RORA: variants seen among roughly 807,000 people sequenced by gnomAD.
RORA encodes RAR related orphan receptor A.
RORA carries 7 observed loss-of-function variants against 69.5 expected under a neutral mutation model. The ratio of observed to expected loss-of-function variants is 0.10; its 90% confidence interval spans 0.06 to 0.19. The LOEUF (loss-of-function observed/expected upper bound fraction) is 0.19, where lower values mean the gene tolerates loss of function less well. Among genes scored for constraint, RORA ranks in the 10% least tolerant of loss-of-function variants. The pLI is 1.00. For synonymous variants in RORA, 261 were observed against 240.8 expected (o/e 1.08, Z -0.78); for missense variants, 457 against 663.0 (o/e 0.69, Z 3.41).
chr15:61,116,661 A>C (rs708683), intron 1 of RORA, among the ~76,000 whole-genome samples: 1 of 151,968 alleles, frequency 6.6e-6, no homozygotes, highest in South Asian at 2.1e-4. Flanking sequence ...AAGACTGAAA[A>C]CATTGACGAG....
At chr15:60,769,580 G>A (rs74017328) in intron 1 of RORA, among the ~76,000 whole-genome samples, 1 of 152,290 alleles carries the variant, frequency 6.6e-6, no homozygotes, top group African/African-American at 2.4e-5. Context: ...GCAGAAGCCT[G>A]CTTAGGTCTC....
At chr15:61,205,690 A>C (rs986472803) in intron 1 of RORA, among the ~76,000 whole-genome samples, 1 of 152,180 alleles carries the variant, frequency 6.6e-6, no homozygotes, top group Non-Finnish European at 1.5e-5. Context: ...AAAGTAGAAA[A>C]ACAATCTCTA....
chr15:60,701,535 C>G (rs559621341), intron 1 of RORA, among the ~76,000 whole-genome samples: 1 of 152,300 alleles, frequency 6.6e-6, no homozygotes, highest in South Asian at 2.1e-4. Context: ...CCTCTGCTCT[C>G]CCCTGTAACT....
At chr15:60,778,144 C>T (rs367801932) in intron 1 of RORA, among the ~76,000 whole-genome samples, 1 of 152,190 alleles carries the variant, frequency 6.6e-6, no homozygotes, top group African/African-American at 2.4e-5. Flanking sequence ...AAACAATTAT[C>T]CAATGCTCAG....
At chr15:60,498,087 T>C (rs900349692) in intron 10 of RORA, among the ~76,000 whole-genome samples, 1 of 151,970 alleles carries the variant, frequency 6.6e-6, no homozygotes, top group African/African-American at 2.4e-5. Flanking sequence ...TAAATGATGA[T>C]ATAGTCATGT....
At chr15:61,115,073 G>T (rs1156260642) in intron 1 of RORA, among the ~76,000 whole-genome samples, 1 of 152,182 alleles carries the variant, frequency 6.6e-6, no homozygotes, top group Non-Finnish European at 1.5e-5. Context: ...GGTGGCAGGA[G>T]TCTGTGGCTT....
intron 1 of RORA, among the ~76,000 whole-genome samples, chr15:60,886,879 C>T (rs940848567): frequency 4.6e-5 from 7 of 152,156 alleles, no homozygotes; most frequent in Admixed American, 1.3e-4. Context: ...ACTTGGAAGA[C>T]GACTGAGAAC....
Position 60,978,961 on chromosome 15 carries a change from C to CTTTTTTTT in RORA, c.166+250084_166+250091dup, listed in dbSNP as rs543353825. ...GAAGTGTGAGTCCTCCAACTTTGCTCTTTTTTTTTTTTTTTTTTGAGACGG... is the reference window on the plus strand; with the variant it reads ...GAAGTGTGAGTCCTCCAACTTTGCTCTTTTTTTTTTTTTTTTTTTTTTTTTTGAGACGG... On this transcript the variant is annotated intron_variant, in intron 1 of 10. Transcript: ENST00000335670. Among the ~76,000 whole-genome samples, 48 of 95,142 alleles carry CTTTTTTTT rather than the reference C, an allele frequency of 5.0e-4. 10 individuals carry two copies. Among genetic ancestry groups the CTTTTTTTT allele is most frequent in the African/African-American group, 4.9e-4 (12 of 24,434 alleles). 62.4% of individuals were successfully genotyped at this position (95,142 alleles called of 152,430 possible). A position where few individuals can be genotyped will look rare whatever the true frequency, so the allele number is the denominator to read the frequency against.
At chr15:60,755,620 A>G (rs1380032490) in intron 1 of RORA, among the ~76,000 whole-genome samples, 2 of 152,068 alleles carry the variant, frequency 1.3e-5, no homozygotes, top group Non-Finnish European at 1.5e-5. Context: ...AAGTGTTCCT[A>G]TTTCTCCACA....
In RORA at chr15:60,511,303, G is replaced by A; in HGVS notation, c.743C>T (p.Thr248Ile). 6.2e-7 allele frequency: 1 copy of A among 1,614,200 alleles called. No individual in the cohort carries two copies. Among genetic ancestry groups the A allele is most frequent in the Non-Finnish European group, 8.5e-7 (1 of 1,180,000 alleles). The change falls in exon 5 of 11, where the codon ACA becomes ATA. Residue 248 changes from threonine to isoleucine, a missense_variant. This residue lies in a region of RORA where 304 missense variants were observed against 447.4 expected (regional missense o/e 0.68). Transcript: ENST00000335670. The surrounding 1 kb of genome is among the most constrained non-coding windows in gnomAD (Gnocchi z 6.4). ...GTAGGGAAAGAAGCCTGATGCTGGT[G>A]TGTAGTCACATATTGGTTCTGGTTT... Reference protein sequence around the residue: ...GIKPEPICDYTPASGFFPYCS... With the variant: ...GIKPEPICDYIPASGFFPYCS...
intron 1 of RORA, among the ~76,000 whole-genome samples, chr15:60,708,417 CAA>C (rs568365743): frequency 2.9e-4 from 19 of 66,352 alleles, no homozygotes; most frequent in Admixed American, 5.4e-4. Flanking sequence ...GACTCCGTCT[CAA>C]AAAAAAAAAA....
chr15:60,497,603 G>T lies in RORA; in HGVS notation c.1424C>A (p.Ser475Tyr), dbSNP rs778749843. 8 of 1,610,824 alleles carry T rather than the reference G, an allele frequency of 5.0e-6. No individual in the cohort carries two copies. The highest frequency in any genetic ancestry group is 5.9e-6 in the Non-Finnish European group (7 of 1,177,174). The change falls in exon 11 of 11, where the codon TCT becomes TAT. Residue 475 changes from serine to tyrosine, a missense_variant. Coordinates refer to ENST00000335670, the MANE Select transcript of RORA (RefSeq NM_134261.3). ...GILTKLICKV[S>Y]TLRALCGRHT... ...TCGTCCACATAAGGCTCTTAAGGTA[G>T]ACACCTTGCATATTAACTGTAAGTG... is the stretch of plus-strand genomic sequence containing the variant.
chr15:61,003,215 A>G (rs2140382970), intron 1 of RORA, among the ~76,000 whole-genome samples: 1 of 152,294 alleles, frequency 6.6e-6, no homozygotes, highest in South Asian at 2.1e-4. Context: ...TATCCATTAT[A>G]TAGGCTATAT....
At chr15:60,844,402 AGTT>A (rs368571468) in intron 1 of RORA, among the ~76,000 whole-genome samples, 6 of 152,126 alleles carry the variant, frequency 3.9e-5, no homozygotes, top group South Asian at 2.1e-4. Flanking sequence ...CCAATGAAGG[AGTT>A]GTTGTTGTTG....
At chr15:61,064,128 A>C (rs1463910476) in intron 1 of RORA, among the ~76,000 whole-genome samples, 9 of 152,230 alleles carry the variant, frequency 5.9e-5, no homozygotes, top group Non-Finnish European at 8.8e-5. Flanking sequence ...ATTAGAGGAC[A>C]GAGTGATCAG....
At chr15:60,778,243 G>T (rs968771377) in intron 1 of RORA, among the ~76,000 whole-genome samples, 12 of 149,072 alleles carry the variant, frequency 8.0e-5, no homozygotes, top group African/African-American at 3.0e-4. Flanking sequence ...TTGTTTGTTT[G>T]TTTGTTTTTT....
intron 5 of RORA, among the ~76,000 whole-genome samples, chr15:60,509,691 T>C (rs536395567): frequency 4.6e-5 from 7 of 152,086 alleles, no homozygotes; most frequent in Non-Finnish European, 8.8e-5. Flanking sequence ...TTCAATCAAA[T>C]CCTTATTCAT....
intron 1 of RORA, among the ~76,000 whole-genome samples, chr15:60,760,656 C>T (rs1249950357): frequency 3.9e-5 from 6 of 152,122 alleles, no homozygotes; most frequent in Non-Finnish European, 8.8e-5. Flanking sequence ...CCATTTTCAC[C>T]TAATGCATAG....
At chr15:60,869,122 A>G (rs1269026148) in intron 1 of RORA, among the ~76,000 whole-genome samples, 1 of 152,194 alleles carries the variant, frequency 6.6e-6, no homozygotes, top group Non-Finnish European at 1.5e-5. Flanking sequence ...GAAAAAAAGA[A>G]CACATCAGTT....
Sources: allele counts gnomAD v4.1 joint callset (sites outside exome capture counted in the v4.1 genomes callset), GRCh38; gene constraint gnomAD v4.1.1; regional missense constraint gnomAD v4.1.1; non-coding constraint Gnocchi (gnomAD v3.1); transcripts MANE v1.5; gene names NCBI Gene and HGNC (gene_info 2026-07-23, HGNC 2026-07-21).